The following KCNMA1 variants were observed in gnomAD, a reference collection of about 807,000 sequenced individuals.
The protein encoded by KCNMA1 is potassium calcium-activated channel subfamily M alpha 1, also known as Calcium-activated potassium channel subunit alpha-1.
KCNMA1 carries 29 observed loss-of-function variants against 140.0 expected under a neutral mutation model. The ratio of observed to expected loss-of-function variants is 0.21; its 90% confidence interval spans 0.15 to 0.28. The LOEUF (loss-of-function observed/expected upper bound fraction) is 0.28, where lower values mean the gene tolerates loss of function less well. Among genes scored for constraint, KCNMA1 ranks in the 10% least tolerant of loss-of-function variants. The pLI, the probability that KCNMA1 is intolerant of heterozygous loss-of-function variation, is 1.00. For synonymous variants in KCNMA1, 612 were observed against 611.9 expected (o/e 1.00, Z 0.00); for missense variants, 880 against 1,602.2 (o/e 0.55, Z 7.70).
At chr10:77,385,696 A>T (rs1603451186) in intron 2 of KCNMA1, among the ~76,000 whole-genome samples, 2 of 152,218 alleles carry the variant, frequency 1.3e-5, no homozygotes, top group South Asian at 4.1e-4. Flanking sequence ...ATTTGAACAC[A>T]TGGAGTGCAT....
chr10:77,251,299 T>C (rs200739034), intron 2 of KCNMA1, 43 bp from the exon 3 acceptor site: 95 of 1,535,706 alleles, frequency 6.2e-5, no homozygotes, highest in Non-Finnish European at 8.2e-5. Flanking sequence ...GAGTTGGACC[T>C]CAGGATGTTT....
chr10:77,039,554 C>A lies in KCNMA1; in HGVS notation c.1833G>T (p.Val611=), dbSNP rs2094531293. Residue 611 remains valine, a synonymous_variant, in exon 15 of 28, where the codon GTG becomes GTT. Coordinates refer to ENST00000286628, the MANE Select transcript of KCNMA1 (RefSeq NM_001161352.2). ...MYTEYLSSAF[V]GLSFPTVCEL... ...CACAAACAGTAGGGAAGGACAGACC[C>A]ACGAAGGCACTGGAGAGATATTCTG... 1 of 1,609,920 alleles carries A rather than the reference C, an allele frequency of 6.2e-7. No homozygotes were observed. Among genetic ancestry groups the A allele is most frequent in the Non-Finnish European group, 8.5e-7 (1 of 1,176,160 alleles).
At chr10:77,476,417 C>A (rs534462032) in intron 1 of KCNMA1, among the ~76,000 whole-genome samples, 4 of 152,240 alleles carry the variant, frequency 2.6e-5, no homozygotes, top group Admixed American at 2.6e-4. Context: ...TCTCCTGCTG[C>A]TCTGCCCTTT....
downstream of KCNMA1, chr10:76,884,788 G>A: frequency 1.5e-6 from 1 of 676,398 alleles, no homozygotes; most frequent in Middle Eastern, 3.6e-4. Flanking sequence ...GAAAAGGAGA[G>A]GGAAAGGGGA....
intron 3 of KCNMA1, among the ~76,000 whole-genome samples, chr10:77,194,389 T>A (rs748826340): frequency 2.0e-5 from 3 of 152,142 alleles, no homozygotes; most frequent in Admixed American, 6.5e-5. Flanking sequence ...TCTTTGGGCC[T>A]CCCCTGGTCA....
intron 10 of KCNMA1, among the ~76,000 whole-genome samples, chr10:77,089,396 C>T (rs1436404479): frequency 6.6e-6 from 1 of 152,126 alleles, no homozygotes; most frequent in Admixed American, 6.5e-5. Context: ...CCATGACAGC[C>T]CCATCTCCAT....
At chr10:77,276,851 A>G (rs1381908083) in intron 2 of KCNMA1, among the ~76,000 whole-genome samples, 2 of 152,174 alleles carry the variant, frequency 1.3e-5, no homozygotes, top group Non-Finnish European at 1.5e-5. Flanking sequence ...GCCAGGCACT[A>G]TTCTAAATAT....
intron 3 of KCNMA1, among the ~76,000 whole-genome samples, chr10:77,241,215 A>G (rs908982637): frequency 2.0e-5 from 3 of 152,222 alleles, no homozygotes; most frequent in African/African-American, 7.2e-5. Flanking sequence ...AAAGGGAGAA[A>G]TAAAGTCAAT....
intron 2 of KCNMA1, among the ~76,000 whole-genome samples, chr10:77,364,953 A>C (rs1180890192): frequency 1.3e-5 from 2 of 152,254 alleles, no homozygotes; most frequent in Non-Finnish European, 2.9e-5. Flanking sequence ...TTACAAAGCT[A>C]GTCCTTTTCC....
At chr10:77,433,212 C>T (rs181735610) in intron 1 of KCNMA1, among the ~76,000 whole-genome samples, 2 of 152,192 alleles carry the variant, frequency 1.3e-5, no homozygotes, top group Non-Finnish European at 2.9e-5. Flanking sequence ...GAGTGCAATG[C>T]TATGATCTCC....
At chr10:77,416,773 C>G (rs947484478) in intron 1 of KCNMA1, among the ~76,000 whole-genome samples, 3 of 152,198 alleles carry the variant, frequency 2.0e-5, no homozygotes, top group African/African-American at 7.2e-5. Flanking sequence ...TCCTCAAAGC[C>G]TGAACAGCAC....
chr10:77,116,976 G>GC (rs1266604167), intron 6 of KCNMA1, among the ~76,000 whole-genome samples: 1 of 152,134 alleles, frequency 6.6e-6, no homozygotes, highest in Non-Finnish European at 1.5e-5. Flanking sequence ...CACATCTCTT[G>GC]CAGTCTCCAT....
intron 1 of KCNMA1, among the ~76,000 whole-genome samples, chr10:77,467,032 C>T (rs1256319248): frequency 6.6e-6 from 1 of 152,128 alleles, no homozygotes; most frequent in African/African-American, 2.4e-5. Flanking sequence ...AAAAATCTAG[C>T]TAGAGGAACG....
Position 77,129,275 on chromosome 10 carries a change from G to A in KCNMA1, c.809-8227C>T, listed in dbSNP as rs546982733. On this transcript the variant is annotated intron_variant, in intron 5 of 27. Transcript: ENST00000286628. The stretch of plus-strand genomic sequence containing the variant: ...GATTCTAATGTACAGCCAGATGATG[G>A]ATGAGGATGAGTCCAGTGTACAGCC... Among the ~76,000 whole-genome samples the A allele has an allele frequency of 2.0e-5, 3 of 152,266 alleles. No homozygotes were observed. In the South Asian group the frequency reaches 6.2e-4, roughly 32 times the overall value.
intron 20 of KCNMA1, among the ~76,000 whole-genome samples, chr10:76,961,024 AG>A (rs1332501290): frequency 2.0e-5 from 3 of 151,922 alleles, no homozygotes; most frequent in Non-Finnish European, 4.4e-5. Flanking sequence ...CCATGGATCA[AG>A]GGGTAATTTT....
At chr10:77,110,131 A>G (rs1309170313) in intron 8 of KCNMA1, 42 bp downstream of exon 8, 4 of 1,498,356 alleles carry the variant, frequency 2.7e-6, no homozygotes, top group African/African-American at 1.4e-5. Flanking sequence ...GAAAATATTA[A>G]CAGCCATCAA....
At chr10:77,007,800 TGAA>T (rs2089530827) in intron 18 of KCNMA1, among the ~76,000 whole-genome samples, 2 of 151,770 alleles carry the variant, frequency 1.3e-5, no homozygotes. Context: ...CCCCAGCTGA[TGAA>T]GCATCTGGAG....
At chr10:77,138,203 G>A (rs1376031387) in intron 5 of KCNMA1, among the ~76,000 whole-genome samples, 1 of 152,196 alleles carries the variant, frequency 6.6e-6, no homozygotes, top group Non-Finnish European at 1.5e-5. Flanking sequence ...AGTAAGTAGA[G>A]AAACACATTT....
At chr10:77,402,913 GA>G (rs1442941698) in intron 2 of KCNMA1, among the ~76,000 whole-genome samples, 1 of 152,124 alleles carries the variant, frequency 6.6e-6, no homozygotes, top group Non-Finnish European at 1.5e-5. Flanking sequence ...AAATCACTCC[GA>G]ATGCAATATC....
Sources: gnomAD v4.1 joint callset for allele counts (sites outside exome capture counted in the v4.1 genomes callset) on GRCh38, gnomAD v4.1.1 for gene constraint, MANE v1.5 for transcripts, NCBI Gene and HGNC (gene_info 2026-07-23, HGNC 2026-07-21) for gene names.